The following NPEPL1 variants were observed in gnomAD, a reference collection of about 807,000 sequenced individuals.
NPEPL1 encodes the protein probable aminopeptidase NPEPL1.
Under a neutral mutation model 52.4 loss-of-function variants are expected in NPEPL1, and 45 were observed. The ratio of observed to expected loss-of-function variants is 0.86; its 90% CI spans 0.68 to 1.10. NPEPL1 has a LOEUF of 1.10. Among genes scored for constraint, NPEPL1 ranks in the 50% least tolerant of loss-of-function variants. The probability of loss-of-function intolerance (pLI) is 0.00; values close to 1 mark genes in which losing one functional copy is unlikely to be tolerated. For synonymous variants in NPEPL1, 360 were observed against 314.7 expected (o/e 1.14, Z -1.52); for missense variants, 696 against 710.9 (o/e 0.98, Z 0.24).
At chr20:58,701,190 G>A in intron 6 of NPEPL1, 32 bp downstream of exon 6, 2 of 1,466,378 alleles carry the variant, frequency 1.4e-6, no homozygotes, top group Non-Finnish European at 1.8e-6. Flanking sequence ...AGGGTGCCCT[G>A]GGGGAGGGGA....
chr20:58,704,590 T>C (rs1446273221), intron 6 of NPEPL1, among the ~76,000 whole-genome samples: 5 of 152,210 alleles, frequency 3.3e-5, no homozygotes, highest in Admixed American at 3.3e-4. Flanking sequence ...GAGAGTAGCA[T>C]TGTTGTACAT....
chr20:58,693,514 C>T (rs2123075831), intron 1 of NPEPL1: 1 of 478,840 alleles, frequency 2.1e-6, no homozygotes, highest in Admixed American at 3.9e-5. Flanking sequence ...CCCTTCCAGG[C>T]TTGGTGGCTT....
At chr20:58,708,837 G>A (rs2084783670) in intron 7 of NPEPL1, among the ~76,000 whole-genome samples, 2 of 152,146 alleles carry the variant, frequency 1.3e-5, no homozygotes, top group Admixed American at 1.3e-4. Flanking sequence ...TCTGAAGGGA[G>A]CAGTTGCTGC....
At chr20:58,703,856 C>G in intron 6 of NPEPL1, 1 of 985,078 alleles carries the variant, frequency 1.0e-6, no homozygotes, top group Non-Finnish European at 1.2e-6. Flanking sequence ...TTTTCCATGG[C>G]TCCAGATCAC....
At chr20:58,707,930 A>G (rs2084768667) in intron 7 of NPEPL1, among the ~76,000 whole-genome samples, 1 of 152,152 alleles carries the variant, frequency 6.6e-6, no homozygotes, top group Non-Finnish European at 1.5e-5. Flanking sequence ...AAAAATTTAA[A>G]AACTAGCCAG....
intron 1 of NPEPL1, 106 bp downstream of exon 1, chr20:58,693,156 G>GGGCCC (rs1206322767): frequency 1.2e-6 from 1 of 818,170 alleles, no homozygotes; most frequent in African/African-American, 1.9e-5. Flanking sequence ...CCGCCGGGCC[G>GGGCCC]GGCCCAACGA....
In NPEPL1 at chr20:58,713,584, G is replaced by A; in HGVS notation, c.1125+41G>A. 1.3e-6 allele frequency: 2 copies of A among 1,539,604 alleles called. No homozygotes were observed. The highest frequency in any genetic ancestry group is 1.8e-6 in the Non-Finnish European group (2 of 1,137,168). ...ATCCACCCCTTAGCTGTAGTCCCAG[G>A]GAACCCCACCCCACTCTTGACCTCA... On this transcript the variant is annotated intron_variant, in intron 9 of 11. Transcript: ENST00000356091. This position sits in a 1 kb window ranked among gnomAD's most constrained non-coding sequence, Gnocchi z 4.6.
intron 3 of NPEPL1, among the ~76,000 whole-genome samples, chr20:58,696,872 G>A (rs973841215): frequency 2.0e-5 from 3 of 152,216 alleles, no homozygotes; most frequent in Non-Finnish European, 2.9e-5. Flanking sequence ...GGCTCACCGG[G>A]GCCACGGCAG....
At chr20:58,692,064 C>G (rs1404138301), upstream of NPEPL1, 12 of 573,716 alleles carry the variant, frequency 2.1e-5, no homozygotes, top group Non-Finnish European at 3.4e-5. This position sits in a 1 kb window ranked among gnomAD's most constrained non-coding sequence, Gnocchi z 5.7. Flanking sequence ...CGTCTCATCT[C>G]GTCCCTCCTT....
chr20:58,704,868 T>C (rs1441757432), intron 6 of NPEPL1, among the ~76,000 whole-genome samples: 2 of 152,252 alleles, frequency 1.3e-5, no homozygotes, highest in East Asian at 1.9e-4. Flanking sequence ...GCCTCATGAA[T>C]AGACTTTTGG....
At chr20:58,700,493 A>ATTGT (rs572895909) in intron 5 of NPEPL1, among the ~76,000 whole-genome samples, 5 of 152,168 alleles carry the variant, frequency 3.3e-5, no homozygotes, top group East Asian at 1.9e-4. Flanking sequence ...TGTTGCTATG[A>ATTGT]TTGTTTGACT....
intron 3 of NPEPL1, among the ~76,000 whole-genome samples, chr20:58,695,449 C>G (rs1394478320): frequency 2.0e-5 from 3 of 152,170 alleles, no homozygotes; most frequent in African/African-American, 7.2e-5. Flanking sequence ...TTTCCCAGCT[C>G]CAGATCCTTG....
Position 58,715,229 on chromosome 20 carries a change from AG to A in NPEPL1, c.1477del (p.Asp493ThrfsTer4), listed in dbSNP as rs754261052. ...LLLALFGRAS[E>X]DPLLNLVSPL... Reference sequence around the variant, plus strand: ...CTGGCGCTCTTCGGCCGTGCCTCTGAGGACCCTCTGCTGAACCTGGTGTCCC... The same window carrying A: ...CTGGCGCTCTTCGGCCGTGCCTCTGAGACCCTCTGCTGAACCTGGTGTCCC... On this transcript the variant is annotated frameshift_variant, in exon 12 of 12. Coordinates refer to ENST00000356091, the MANE Select transcript of NPEPL1 (RefSeq NM_024663.4). LOFTEE classifies it high-confidence loss of function. The A allele has an allele frequency of 6.2e-7, 1 of 1,609,502 alleles. No individual in the cohort carries two copies. Among genetic ancestry groups the A allele is most frequent in the Non-Finnish European group, 8.5e-7 (1 of 1,179,010 alleles).
intron 7 of NPEPL1, among the ~76,000 whole-genome samples, chr20:58,711,791 C>T (rs983698904): frequency 1.3e-5 from 2 of 152,248 alleles, no homozygotes; most frequent in Non-Finnish European, 2.9e-5. Context: ...GAGAAAGACG[C>T]TGGATCCTAT....
intron 6 of NPEPL1, among the ~76,000 whole-genome samples, chr20:58,706,687 G>GGA (rs148859052): frequency 0.35 from 53,061 of 151,820 alleles, 12,805 homozygotes; most frequent in African/African-American, 0.69. Context: ...GCGGAGGAGT[G>GGA]GAGAGAGTGG....
At chr20:58,697,663 A>G (rs1179725312) in intron 3 of NPEPL1, among the ~76,000 whole-genome samples, 1 of 152,208 alleles carries the variant, frequency 6.6e-6, no homozygotes, top group Non-Finnish European at 1.5e-5. Context: ...CTTTCTGGTG[A>G]GCAAGGGAGG....
At chr20:58,702,887 G>C (rs2084662871) in intron 6 of NPEPL1, among the ~76,000 whole-genome samples, 1 of 152,224 alleles carries the variant, frequency 6.6e-6, no homozygotes, top group Admixed American at 6.5e-5. Context: ...CCCACTGTGT[G>C]TTCAGTTCTT....
chr20:58,707,072 G>A lies in NPEPL1; in HGVS notation c.823-51G>A. Reference sequence around the variant, plus strand: ...GGGGGTGGGGGGCTTCCGCTGCCAGGCCTGGACCTCACAGCTCACCTTTGT... The same window carrying A: ...GGGGGTGGGGGGCTTCCGCTGCCAGACCTGGACCTCACAGCTCACCTTTGT... On this transcript the variant is annotated intron_variant, in intron 6 of 11. Coordinates refer to ENST00000356091, the MANE Select transcript of NPEPL1 (RefSeq NM_024663.4). 3 of 1,529,332 alleles carry A rather than the reference G, an allele frequency of 2.0e-6. No individual in the cohort carries two copies. The South Asian group carries it at 3.6e-5, about 18-fold the overall frequency. The allele number at this position is 1,529,332 out of a possible 1,614,324, so 94.7% of individuals were successfully genotyped here. A position where few individuals can be genotyped will look rare whatever the true frequency, so the allele number is the denominator to read the frequency against.
chr20:58,702,470 T>G (rs1460922775), intron 6 of NPEPL1, among the ~76,000 whole-genome samples: 1 of 152,130 alleles, frequency 6.6e-6, no homozygotes, highest in Non-Finnish European at 1.5e-5. Flanking sequence ...TTCCCATCCC[T>G]CCTCTAAACC....
Sources: gnomAD v4.1 joint callset for allele counts (sites outside exome capture counted in the v4.1 genomes callset) on GRCh38, gnomAD v4.1.1 for gene constraint, Gnocchi (gnomAD v3.1) non-coding constraint, MANE v1.5 for transcripts, NCBI Gene and HGNC (gene_info 2026-07-23, HGNC 2026-07-21) for gene names.